MAML3: variants seen among roughly 807,000 people sequenced by gnomAD.
MAML3 encodes mastermind-like protein 3.
MAML3 carries 27 observed loss-of-function variants against 101.9 expected under a neutral mutation model. The observed-to-expected ratio is 0.27, with a 90% confidence interval of 0.20 to 0.37. The LOEUF (loss-of-function observed/expected upper bound fraction) is 0.37, where lower values mean the gene tolerates loss of function less well. Ranked by LOEUF, MAML3 falls within the 10% of genes least tolerant of loss-of-function variation. The pLI, the probability that MAML3 is intolerant of heterozygous loss-of-function variation, is 1.00. For missense variants in MAML3, 1,316 were observed against 1,444.9 expected, an observed-to-expected ratio of 0.91 and a Z score of 1.45; for synonymous variants, 501 against 555.9, an observed-to-expected ratio of 0.90 and a Z score of 1.39.
At chr4:139,883,559 G>A (rs1265657081) in intron 2 of MAML3, among the ~76,000 whole-genome samples, 19 of 152,128 alleles carry the variant, frequency 1.2e-4, no homozygotes, top group Admixed American at 1.2e-3. Context: ...ACTGTGTGTG[G>A]GGGGGTTGTG....
chr4:140,072,059 A>G (rs1490741883), intron 1 of MAML3, among the ~76,000 whole-genome samples: 2 of 152,160 alleles, frequency 1.3e-5, no homozygotes, highest in Non-Finnish European at 2.9e-5. Context: ...TGTCACCCAG[A>G]CACTTCCGGC....
chr4:140,066,743 C>A (rs1029244134), intron 1 of MAML3, among the ~76,000 whole-genome samples: 1 of 152,202 alleles, frequency 6.6e-6, no homozygotes, highest in African/African-American at 2.4e-5. Flanking sequence ...AATAGCCAAA[C>A]ACTTGTCAGG....
At chr4:140,092,412 C>T (rs1013974270) in intron 1 of MAML3, among the ~76,000 whole-genome samples, 11 of 152,122 alleles carry the variant, frequency 7.2e-5, no homozygotes, top group Admixed American at 2.0e-4. Context: ...CTCCTCAAAG[C>T]AGCATCAGAT....
At chr4:139,968,468 G>A (rs1357519425) in intron 1 of MAML3, among the ~76,000 whole-genome samples, 1 of 152,010 alleles carries the variant, frequency 6.6e-6, no homozygotes, top group African/African-American at 2.4e-5. Flanking sequence ...GTTTCTCCTT[G>A]GGTCAAGAAT....
chr4:139,777,674 G>A (rs1296429924), intron 2 of MAML3, among the ~76,000 whole-genome samples: 4 of 152,206 alleles, frequency 2.6e-5, no homozygotes, highest in Admixed American at 2.6e-4. Context: ...CTCCAGGCAT[G>A]CACCATGGTG....
intron 2 of MAML3, among the ~76,000 whole-genome samples, chr4:139,856,022 C>A (rs1473652381): frequency 2.0e-5 from 3 of 152,190 alleles, no homozygotes; most frequent in African/African-American, 4.8e-5. Context: ...TCCAGATGGA[C>A]CTGTGTTTAC....
In MAML3 at chr4:139,735,957, GCA is replaced by G. The variant is rs2111007599; in HGVS notation, c.2080-5292_2080-5291del. Among the ~76,000 whole-genome samples the G allele has an allele frequency of 6.6e-6, 1 of 152,252 alleles. No homozygotes were observed. The highest frequency in any genetic ancestry group is 2.4e-5 in the African/African-American group (1 of 41,572). ...GAGGCTGCGGTGTGCTCCAGCGGGC[GCA>G]TTTCCCAGGCCCCGCCACATCGTGT... On this transcript the variant is annotated intron_variant, in intron 2 of 4. Transcript: ENST00000509479. The surrounding 1 kb of genome is among the most constrained non-coding windows in gnomAD (Gnocchi z 5.8).
rs547950834 is a variant in MAML3 at position 139,924,392 on chromosome 4, A to G, written c.469-33425T>C. 3.5e-4 allele frequency among the ~76,000 whole-genome samples: 54 copies of G among 152,326 alleles called. 1 individual carries two copies. In the East Asian group the frequency reaches 0.01, roughly 29 times the overall value. On this transcript the variant is annotated intron_variant, in intron 1 of 4. Coordinates refer to ENST00000509479, the MANE Select transcript of MAML3 (RefSeq NM_018717.5). ...GAAGGTATTTTACCCTCAAATATATAAAGAACTATCTCTGAAATCTTTACC... is the reference window on the plus strand; with the variant it reads ...GAAGGTATTTTACCCTCAAATATATGAAGAACTATCTCTGAAATCTTTACC...
intron 2 of MAML3, among the ~76,000 whole-genome samples, chr4:139,867,874 C>T (rs1731929196): frequency 6.6e-6 from 1 of 152,266 alleles, no homozygotes; most frequent in African/African-American, 2.4e-5. Context: ...ACTGCCTTCA[C>T]AGCCCCTGTG....
chr4:139,929,632 T>C (rs1004005429), intron 1 of MAML3, among the ~76,000 whole-genome samples: 4 of 152,232 alleles, frequency 2.6e-5, no homozygotes, highest in African/African-American at 9.6e-5. Context: ...AGTTGGTACA[T>C]AACGTATGGG....
chr4:139,944,591 CAA>C (rs1250401743), intron 1 of MAML3, among the ~76,000 whole-genome samples: 2 of 151,620 alleles, frequency 1.3e-5, no homozygotes, highest in South Asian at 2.1e-4. Context: ...TGAACTCAAA[CAA>C]ATTTACAAGA....
chr4:140,110,804 G>A (rs1028158402), intron 1 of MAML3, among the ~76,000 whole-genome samples: 4 of 151,984 alleles, frequency 2.6e-5, no homozygotes, highest in East Asian at 1.9e-4. Context: ...GAACAAAATC[G>A]TGCCCATTAT....
At chr4:139,804,427 T>A (rs907966677) in intron 2 of MAML3, among the ~76,000 whole-genome samples, 3 of 152,148 alleles carry the variant, frequency 2.0e-5, no homozygotes, top group African/African-American at 7.2e-5. Context: ...CCACCATGCC[T>A]GGCTAATTTT....
intron 1 of MAML3, among the ~76,000 whole-genome samples, chr4:139,947,567 C>A (rs1016162131): frequency 6.6e-6 from 1 of 152,152 alleles, no homozygotes; most frequent in Non-Finnish European, 1.5e-5. Flanking sequence ...CAATCCACAC[C>A]TTGCAAAGCA....
At chr4:140,027,172 C>T (rs994452900) in intron 1 of MAML3, among the ~76,000 whole-genome samples, 1 of 152,166 alleles carries the variant, frequency 6.6e-6, no homozygotes, top group Non-Finnish European at 1.5e-5. Context: ...AAAAATATCC[C>T]CGTCTTGTTG....
intron 1 of MAML3, among the ~76,000 whole-genome samples, chr4:140,079,827 G>C (rs1359660120): frequency 1.3e-5 from 2 of 152,196 alleles, no homozygotes; most frequent in Non-Finnish European, 2.9e-5. Flanking sequence ...GCCAAAGAGA[G>C]GAAGTCAGCA....
At chr4:140,117,167 G>A (rs1001953659) in intron 1 of MAML3, among the ~76,000 whole-genome samples, 3 of 152,082 alleles carry the variant, frequency 2.0e-5, no homozygotes, top group African/African-American at 7.2e-5. Context: ...CTTATTACAA[G>A]CAAAATCCTA....
intron 3 of MAML3, among the ~76,000 whole-genome samples, chr4:139,729,652 G>A (rs1458474394): frequency 6.6e-6 from 1 of 152,150 alleles, no homozygotes; most frequent in Non-Finnish European, 1.5e-5. Context: ...ACAGCCTCAG[G>A]CCTTTCCCTA....
intron 1 of MAML3, among the ~76,000 whole-genome samples, chr4:140,148,059 C>T (rs946760114): frequency 6.6e-6 from 1 of 152,170 alleles, no homozygotes; most frequent in East Asian, 1.9e-4. Flanking sequence ...CTCCATATAA[C>T]TCTATTTTAC....
Sources: allele counts gnomAD v4.1 joint callset (sites outside exome capture counted in the v4.1 genomes callset), GRCh38; gene constraint gnomAD v4.1.1; non-coding constraint Gnocchi (gnomAD v3.1); transcripts MANE v1.5; gene names NCBI Gene and HGNC (gene_info 2026-07-23, HGNC 2026-07-21).